Variants in LRRC63 observed in about 807,000 individuals in gnomAD.
The protein encoded by LRRC63 is leucine rich repeat containing 63.
Under a neutral mutation model 49.5 loss-of-function variants are expected in LRRC63, and 40 were observed. The ratio of observed to expected loss-of-function variants is 0.81; its 90% CI spans 0.63 to 1.05. The LOEUF is 1.05. Among genes scored for constraint, LRRC63 ranks in the 50% least tolerant of loss-of-function variants. LRRC63 has a pLI of 0.00. For missense variants in LRRC63, 636 were observed against 663.1 expected (o/e 0.96, Z 0.45); for synonymous variants, 191 against 221.1 (o/e 0.86, Z 1.21).
chr13:46,255,442 A>G (rs2047484272), intron 7 of LRRC63, among the ~76,000 whole-genome samples: 1 of 152,056 alleles, frequency 6.6e-6, no homozygotes, highest in Non-Finnish European at 1.5e-5. Flanking sequence ...TATGTTATCT[A>G]TATTTTACTA....
intron 5 of LRRC63, among the ~76,000 whole-genome samples, chr13:46,240,657 C>G (rs1391615849): frequency 6.6e-6 from 1 of 152,072 alleles, no homozygotes; most frequent in Non-Finnish European, 1.5e-5. Context: ...AATCAATGTG[C>G]CAAAATCACA....
chr13:46,233,591 G>A (rs2046824353), intron 4 of LRRC63, among the ~76,000 whole-genome samples: 1 of 152,076 alleles, frequency 6.6e-6, no homozygotes. Flanking sequence ...GTGTATACTT[G>A]CATAGGACAT....
chr13:46,255,761 C>A (rs2047496744), intron 7 of LRRC63, among the ~76,000 whole-genome samples: 1 of 151,608 alleles, frequency 6.6e-6, no homozygotes. Flanking sequence ...ATGCACAAAT[C>A]TTAGGTATTT....
intron 7 of LRRC63, among the ~76,000 whole-genome samples, chr13:46,258,538 G>A (rs1473478484): frequency 6.6e-6 from 1 of 151,192 alleles, no homozygotes; most frequent in Admixed American, 6.6e-5. Context: ...GGCTGGGCAT[G>A]GTGGCTCACG....
At chr13:46,236,237 A>G (rs1460655670) in intron 5 of LRRC63, among the ~76,000 whole-genome samples, 1 of 152,094 alleles carries the variant, frequency 6.6e-6, no homozygotes, top group African/African-American at 2.4e-5. Flanking sequence ...AGAGAGAGAG[A>G]GGAAAGGGCA....
intron 5 of LRRC63, among the ~76,000 whole-genome samples, chr13:46,246,076 C>T (rs2047204041): frequency 1.3e-5 from 2 of 152,076 alleles, no homozygotes; most frequent in East Asian, 1.9e-4. Flanking sequence ...CTCATGAGAT[C>T]TGTTAGTTTC....
chr13:46,276,763 G>T (rs777291356), exon 10 of LRRC63: 4 of 1,219,772 alleles, frequency 3.3e-6, no homozygotes, highest in Non-Finnish European at 4.1e-6. Flanking sequence ...AGTCCTAGTA[G>T]AAGAATAGCT....
At chr13:46,244,643 A>G (rs894234021) in intron 5 of LRRC63, among the ~76,000 whole-genome samples, 2 of 152,142 alleles carry the variant, frequency 1.3e-5, no homozygotes, top group Admixed American at 6.5e-5. Flanking sequence ...GAATGGTGAC[A>G]TGTACATGTA....
chr13:46,232,812 G>C (rs1450182000), intron 4 of LRRC63, among the ~76,000 whole-genome samples: 1 of 152,102 alleles, frequency 6.6e-6, no homozygotes, highest in Non-Finnish European at 1.5e-5. Context: ...ATTTGATTCA[G>C]ATATTAGAGT....
At chr13:46,212,778 A>C (rs763797683) in intron 1 of LRRC63, among the ~76,000 whole-genome samples, 6 of 152,228 alleles carry the variant, frequency 3.9e-5, no homozygotes, top group Non-Finnish European at 8.8e-5. Flanking sequence ...TATTTTTAAA[A>C]TTCTATGTTT....
chr13:46,214,805 A>G (rs1392182730), intron 2 of LRRC63, among the ~76,000 whole-genome samples: 1 of 152,008 alleles, frequency 6.6e-6, no homozygotes, highest in Admixed American at 6.5e-5. Context: ...TTGTTCCCCA[A>G]TCTGTGTTCA....
intron 2 of LRRC63, among the ~76,000 whole-genome samples, chr13:46,223,487 T>TG (rs2046472662): frequency 6.7e-6 from 1 of 148,886 alleles, no homozygotes; most frequent in Non-Finnish European, 1.5e-5. Context: ...TTTTTTTGTT[T>TG]TTTTTTTTTT....
At chr13:46,236,398 CAAAG>C (rs1276367948) in intron 5 of LRRC63, among the ~76,000 whole-genome samples, 1 of 152,020 alleles carries the variant, frequency 6.6e-6, no homozygotes, top group East Asian at 1.9e-4. Context: ...AAGCCAAAGT[CAAAG>C]AAAGAATCTT....
At position 46,249,111 on chromosome 13, in the gene LRRC63, A is replaced by G. The variant is rs180699654; in HGVS notation, c.1090-1244A>G. Among the ~76,000 whole-genome samples the G allele has an allele frequency of 4.0e-4, 61 of 151,956 alleles. 1 individual carries two copies. The highest frequency in any genetic ancestry group is 6.8e-3 in the Middle Eastern group (2 of 294). On this transcript the variant is annotated intron_variant, in intron 6 of 9. Coordinates refer to ENST00000595396, the Ensembl canonical transcript of LRRC63. ...AGATAAATGAAAATGAAAACACAAC[A>G]TACCAAAATTTCTGAGATGCATTAC...
intron 2 of LRRC63, among the ~76,000 whole-genome samples, chr13:46,224,439 T>A (rs1036092886): frequency 1.3e-5 from 2 of 152,184 alleles, no homozygotes; most frequent in Admixed American, 6.5e-5. Flanking sequence ...TATCTATCTC[T>A]TTGGTAGATT....
At chr13:46,276,735 A>G (rs1041400867) in exon 10 of LRRC63, 1 of 1,228,250 alleles carries the variant, frequency 8.1e-7, no homozygotes, top group Admixed American at 4.3e-5. Context: ...AAAGGAAAGC[A>G]GTTTTGTTTT....
At chr13:46,269,110 G>A (rs988525739) in intron 9 of LRRC63, among the ~76,000 whole-genome samples, 7 of 151,872 alleles carry the variant, frequency 4.6e-5, no homozygotes, top group East Asian at 1.9e-4. Context: ...AATTCAATGC[G>A]ATTCTGGTGA....
chr13:46,265,024 G>A (rs984206099), intron 8 of LRRC63, among the ~76,000 whole-genome samples: 1 of 152,138 alleles, frequency 6.6e-6, no homozygotes, highest in African/African-American at 2.4e-5. Context: ...AGGCGTGGTG[G>A]TGGTGGATGC....
chr13:46,265,098 T>A (rs2047666123), intron 8 of LRRC63, among the ~76,000 whole-genome samples: 1 of 151,788 alleles, frequency 6.6e-6, no homozygotes, highest in South Asian at 2.1e-4. Context: ...GGGCAGAGCT[T>A]GCAGTGAGCC....
Sources: allele counts gnomAD v4.1 joint callset (sites outside exome capture counted in the v4.1 genomes callset), GRCh38; gene constraint gnomAD v4.1.1; transcripts MANE v1.5; gene names NCBI Gene and HGNC (gene_info 2026-07-23, HGNC 2026-07-21).